CHAD: variants seen among roughly 807,000 people sequenced by gnomAD.
The protein encoded by CHAD is chondroadherin.
In CHAD, 18 loss-of-function variants were observed where a neutral mutation model predicts 24.0. The ratio of observed to expected loss-of-function variants is 0.75; its 90% CI spans 0.52 to 1.11. The LOEUF is 1.11. Among genes scored for constraint, CHAD ranks in the 50% most tolerant of loss-of-function variants. The pLI is 0.00. For synonymous variants in CHAD, 195 were observed against 211.6 expected, an observed-to-expected ratio of 0.92 and a Z score of 0.68; for missense variants, 440 against 467.2, an observed-to-expected ratio of 0.94 and a Z score of 0.54.
At chr17:50,467,951 C>G in intron 1 of CHAD, 89 bp downstream of exon 1, 1 of 1,380,106 alleles carries the variant, frequency 7.2e-7, no homozygotes, top group Non-Finnish European at 9.8e-7. Flanking sequence ...AACCTGGGGA[C>G]GGGGGATGGT....
At position 50,467,837 on chromosome 17, in the gene CHAD, A is replaced by G. The variant is rs187277168; in HGVS notation, c.774+203T>C. The stretch of plus-strand genomic sequence containing the variant: ...TTATATGTAAGAATCCTAGGAGGGC[A>G]GTGGTCGAGACTGGCAGCAGACAGG... On this transcript the variant is annotated intron_variant, in intron 1 of 3. Transcript: ENST00000508540. 6.0e-5 allele frequency: 33 copies of G among 547,032 alleles called. No homozygotes were observed. In the East Asian group the frequency reaches 9.9e-4, roughly 16 times the overall value. 33.9% of individuals were successfully genotyped at this position (547,032 alleles called of 1,614,324 possible).
rs2032591124 is a variant in CHAD at position 50,464,811 on chromosome 17, AG to A, written c.*242del. 2 of 323,590 alleles carry A rather than the reference AG, an allele frequency of 6.2e-6. No individual in the cohort carries two copies. Among genetic ancestry groups the A allele is most frequent in the Admixed American group, 8.4e-5 (2 of 23,854 alleles). The allele number at this position is 323,590 out of a possible 1,614,324, so 20.0% of individuals were successfully genotyped here. ...CAACAGCTTCTCCAAGAGGAGCTGG[AG>A]GGTGGGGAAGGCATGAAGGCTGGGG... On this transcript the variant is annotated 3_prime_UTR_variant, in exon 4 of 4. Transcript: ENST00000508540.
Position 50,468,506 on chromosome 17 carries a change from T to C in CHAD, c.308A>G (p.Tyr103Cys). The change falls in exon 1 of 4, where the codon TAC becomes TGC. Residue 103 changes from tyrosine to cysteine, a missense_variant. Tyr to Cys is a radical substitution (Grantham distance 194, BLOSUM62 -2). Coordinates refer to ENST00000508540, the MANE Select transcript of CHAD (RefSeq NM_001267.3). ...GAFRGLKQLIYLYLSHNDIRV... is the reference protein window; with the variant it reads ...GAFRGLKQLICLYLSHNDIRV... The stretch of plus-strand genomic sequence containing the variant: ...GATGTCGTTATGGGACAGGTACAAG[T>C]AGATAAGTTGCTTGAGGCCGCGGAA... The C allele has an allele frequency of 6.2e-7, 1 of 1,614,226 alleles. No homozygotes were observed. The highest frequency in any genetic ancestry group is 8.5e-7 in the Non-Finnish European group (1 of 1,180,034).
rs774373489 is a variant in CHAD, at chr17:50,468,223, G to A, written c.591C>T (p.Leu197=). The A allele has an allele frequency of 6.2e-7, 1 of 1,612,930 alleles. No individual in the cohort carries two copies. Among genetic ancestry groups the A allele is most frequent in the East Asian group, 2.2e-5 (1 of 44,824 alleles). The change falls in exon 1 of 4, where the codon CTC becomes CTT. Residue 197 remains leucine, a synonymous_variant. Transcript: ENST00000508540. ...QPGALDDVEN[L]AKFHVDRNQL... is the part of the protein sequence containing the mutation. ...GGTTCCTGTCCACGTGGAATTTGGCGAGGTTCTCCACGTCGTCCAGGGCCC... is the reference window on the plus strand; with the variant it reads ...GGTTCCTGTCCACGTGGAATTTGGCAAGGTTCTCCACGTCGTCCAGGGCCC...
chr17:50,465,928 C>T, intron 1 of CHAD, 58 bp from the exon 2 acceptor site: 1 of 1,594,426 alleles, frequency 6.3e-7, no homozygotes, highest in Admixed American at 1.7e-5. Flanking sequence ...AATGAGTAAG[C>T]ACCCGAGTGC....
At position 50,468,784 on chromosome 17, in the gene CHAD, G is replaced by C; in HGVS notation, c.30C>G (p.Leu10=). The stretch of plus-strand genomic sequence containing the variant: ...CCGGCAGCAGACCAGCCAGGAGGCC[G>C]AGGCTGAGCAAGAGCATTGGGCGGA... MVRPMLLLS[L]GLLAGLLPAL... Residue 10 remains leucine, a synonymous_variant, in exon 1 of 4, where the codon CTC becomes CTG. Transcript: ENST00000508540. 3 of 1,567,022 alleles carry C rather than the reference G, an allele frequency of 1.9e-6. No homozygotes were observed. The South Asian group carries it at 3.4e-5, about 18-fold the overall frequency.
At position 50,465,781 on chromosome 17, in the gene CHAD, G is replaced by C; in HGVS notation, c.864C>G (p.Pro288=). The change falls in exon 2 of 4, where the codon CCC becomes CCG. Residue 288 remains proline, a synonymous_variant. Coordinates refer to ENST00000508540, the MANE Select transcript of CHAD (RefSeq NM_001267.3). ...GGGCGAGGGTCTCCAGGCTGTCGAA[G>C]GGGAAGTTGGAGGGTAGCTGGTTCA... ...NRLNQLPSNF[P]FDSLETLALT... 6.2e-7 allele frequency: 1 copy of C among 1,613,892 alleles called. No homozygotes were observed. The highest frequency in any genetic ancestry group is 1.1e-5 in the South Asian group (1 of 91,054).
At chr17:50,467,168 C>T (rs1378982548) in intron 1 of CHAD, among the ~76,000 whole-genome samples, 2 of 152,226 alleles carry the variant, frequency 1.3e-5, no homozygotes, top group Non-Finnish European at 2.9e-5. Context: ...GGTAGCCCCA[C>T]CTGGCCAGAC....
chr17:50,466,385 A>C (rs986317765), intron 1 of CHAD, among the ~76,000 whole-genome samples: 1 of 152,162 alleles, frequency 6.6e-6, no homozygotes, highest in Admixed American at 6.5e-5. Context: ...CACCACGCCC[A>C]GCCAGGTGGT....
rs1245211003 is a variant in CHAD at position 50,468,329 on chromosome 17, A to T, written c.485T>A (p.Leu162Gln). 1 of 1,614,148 alleles carries T rather than the reference A, an allele frequency of 6.2e-7. No homozygotes were observed. The change falls in exon 1 of 4, where the codon CTG (leucine) becomes CAG (glutamine). Residue 162 changes from leucine (L) to glutamine (Q), a missense_variant. Transcript: ENST00000508540. ...GGCTCCCTGGAAGGCGCCTGCGCGC[A>T]GCTCACGGATCTTGTTGTTGTTGAG... ...LQLNNNKIRE[L>Q]RAGAFQGAKD...
rs753147130 is a variant in CHAD at position 50,468,238 on chromosome 17, G to A, written c.576C>T (p.Asp192=). The A allele has an allele frequency of 5.0e-6, 8 of 1,612,294 alleles. No individual in the cohort carries two copies. The highest frequency in any genetic ancestry group is 1.7e-5 in the Admixed American group (1 of 59,954). The change falls in exon 1 of 4, where the codon GAC becomes GAT. Residue 192 remains aspartate (D), a synonymous_variant. Transcript: ENST00000508540. ...ALSSLQPGAL[D]DVENLAKFHV... ...GGAATTTGGCGAGGTTCTCCACGTC[G>A]TCCAGGGCCCCGGGCTGCAGGGAGC...
chr17:50,468,750 C>T lies in CHAD; in HGVS notation c.64G>A (p.Ala22Thr). Residue 22 changes from alanine (A) to threonine (T), a missense_variant, in exon 1 of 4, where the codon GCC becomes ACC. Ala to Thr is a moderately conservative substitution (Grantham distance 58, BLOSUM62 0). Transcript: ENST00000508540. Reference protein sequence around the residue: ...LLAGLLPALAACPQNCHCHSD... With the variant: ...LLAGLLPALATCPQNCHCHSD... ...TGGCAGTGGCAGTTCTGGGGGCAGG[C>T]GGCCAGCGCCGGCAGCAGACCAGCC... The T allele has an allele frequency of 6.3e-7, 1 of 1,598,358 alleles. No individual in the cohort carries two copies. The highest frequency in any genetic ancestry group is 2.3e-5 in the East Asian group (1 of 44,358).
At position 50,468,589 on chromosome 17, in the gene CHAD, C is replaced by A; in HGVS notation, c.225G>T (p.Pro75=). Residue 75 remains proline (P), a synonymous_variant, in exon 1 of 4, where the codon CCG becomes CCT. Coordinates refer to ENST00000508540, the MANE Select transcript of CHAD (RefSeq NM_001267.3). ...GCTGCAGGTGCAATGACACGAGGTT[C>A]GGCATGGCCCGGAACGAATTGGCAG... is the stretch of plus-strand genomic sequence containing the variant. ...VLAANSFRAM[P]NLVSLHLQHC... is the part of the protein sequence containing the mutation. 1 of 1,614,164 alleles carries A rather than the reference C, an allele frequency of 6.2e-7. No homozygotes were observed. Among genetic ancestry groups the A allele is most frequent in the Non-Finnish European group, 8.5e-7 (1 of 1,179,968 alleles).
chr17:50,464,730 GCCATCCT>G lies in CHAD; in HGVS notation c.*317_*323del. The G allele has an allele frequency of 2.7e-6, 1 of 371,590 alleles. No individual in the cohort carries two copies. The highest frequency in any genetic ancestry group is 1.9e-5 in the South Asian group (1 of 51,640). 23.0% of individuals were successfully genotyped at this position (371,590 alleles called of 1,614,324 possible). ...GAGGAAGGATGATCCTGGGAGGGTG[GCCATCCT>G]GATGACCAACCTGTTGTGGTTCTGA... On this transcript the variant is annotated 3_prime_UTR_variant, in exon 4 of 4. Transcript: ENST00000508540.
rs61391073 is a variant in CHAD at position 50,464,771 on chromosome 17, G to GGGT, written c.*282_*283insACC. On this transcript the variant is annotated 3_prime_UTR_variant, in exon 4 of 4. Transcript: ENST00000508540. ...ACCTGTTGTGGTTCTGATTGACTTG[G>GGGT]GGGGGGGGTCTCAGCAACAGCTTCT... 85 of 328,876 alleles carry GGGT rather than the reference G, an allele frequency of 2.6e-4. No homozygotes were observed. In the East Asian group the frequency reaches 5.9e-3, roughly 23 times the overall value. 20.4% of individuals were successfully genotyped at this position (328,876 alleles called of 1,614,324 possible). A position where few individuals can be genotyped will look rare whatever the true frequency, so the allele number is the denominator to read the frequency against.
Position 50,468,167 on chromosome 17 carries a change from C to T in CHAD, c.647G>A (p.Ser216Asn). 1 of 1,614,178 alleles carries T rather than the reference C, an allele frequency of 6.2e-7. No homozygotes were observed. Among genetic ancestry groups the T allele is most frequent in the Non-Finnish European group, 8.5e-7 (1 of 1,180,026 alleles). The stretch of plus-strand genomic sequence containing the variant: ...CAGCTCCTCCACCACCCGTAGCTTG[C>T]TCAGGGCAGCTGAGGGGTAGCTGGA... The part of the protein sequence containing the change: ...QLSSYPSAAL[S>N]KLRVVEELKL... Residue 216 changes from serine (S) to asparagine (N), a missense_variant, in exon 1 of 4, where the codon AGC (serine) becomes AAC (asparagine). Coordinates refer to ENST00000508540, the MANE Select transcript of CHAD (RefSeq NM_001267.3).
intron 1 of CHAD, 29 bp downstream of exon 1, chr17:50,468,011 C>G (rs1361957987): frequency 1.3e-6 from 2 of 1,537,338 alleles, no homozygotes; most frequent in Non-Finnish European, 8.8e-7. Context: ...AAGAAGGAAC[C>G]AGGGCAGAGC....
intron 1 of CHAD, 24 bp from the exon 2 acceptor site, chr17:50,465,894 G>A: frequency 6.2e-7 from 1 of 1,613,474 alleles, no homozygotes; most frequent in Non-Finnish European, 8.5e-7. Context: ...TGGGAGCAAG[G>A]TGGGAGCAAG....
rs1455091521 is a variant in CHAD at position 50,465,761 on chromosome 17, AG to A, written c.883del (p.Leu295SerfsTer101). 1 of 1,613,532 alleles carries A rather than the reference AG, an allele frequency of 6.2e-7. No individual in the cohort carries two copies. Among genetic ancestry groups the A allele is most frequent in the Non-Finnish European group, 8.5e-7 (1 of 1,179,952 alleles). ...SNFPFDSLET[L>X]ALTNNPWKCT... is the part of the protein sequence containing the mutation. ...CTTCCAGGGGTTATTGGTAAGGGCG[AG>A]GGTCTCCAGGCTGTCGAAGGGGAAG... On this transcript the variant is annotated frameshift_variant, in exon 2 of 4. Coordinates refer to ENST00000508540, the MANE Select transcript of CHAD (RefSeq NM_001267.3). LOFTEE classifies it high-confidence loss of function.
Sources: allele counts gnomAD v4.1 joint callset (sites outside exome capture counted in the v4.1 genomes callset), GRCh38; gene constraint gnomAD v4.1.1; transcripts MANE v1.5; gene names NCBI Gene and HGNC (gene_info 2026-07-23, HGNC 2026-07-21).